The following ARHGAP15 variants were observed in gnomAD, a reference collection of about 807,000 sequenced individuals.
ARHGAP15 encodes Rho GTPase activating protein 15, also known as rho GTPase-activating protein 15.
ARHGAP15 carries 51 observed loss-of-function variants against 63.7 expected under a neutral mutation model. The observed-to-expected ratio is 0.80, with a 90% CI of 0.64 to 1.01. The LOEUF (loss-of-function observed/expected upper bound fraction) is 1.01. Among genes scored for constraint, ARHGAP15 ranks in the 50% least tolerant of loss-of-function variants. The pLI is 0.00. For missense variants in ARHGAP15, 560 were observed against 564.6 expected (o/e 0.99, Z 0.08); for synonymous variants, 191 against 193.8 (o/e 0.99, Z 0.12).
chr2:143,223,047 G>T (rs1354595521), intron 4 of ARHGAP15, among the ~76,000 whole-genome samples: 10 of 152,134 alleles, frequency 6.6e-5, no homozygotes, highest in African/African-American at 2.4e-4. Flanking sequence ...CGCGAACTTG[G>T]CTCACTGCAG....
At chr2:143,357,579 A>T (rs1685863354) in intron 6 of ARHGAP15, among the ~76,000 whole-genome samples, 1 of 152,208 alleles carries the variant, frequency 6.6e-6, no homozygotes, top group Non-Finnish European at 1.5e-5. Context: ...AATTTATTTG[A>T]CAGGTTTGAA....
chr2:143,651,443 C>T (rs1382557901), intron 12 of ARHGAP15, among the ~76,000 whole-genome samples: 3 of 151,900 alleles, frequency 2.0e-5, no homozygotes, highest in Non-Finnish European at 2.9e-5. Context: ...TGTATGGATA[C>T]AACAAAATTT....
chr2:143,356,255 G>A (rs1685807045), intron 6 of ARHGAP15, among the ~76,000 whole-genome samples: 1 of 152,180 alleles, frequency 6.6e-6, no homozygotes, highest in Admixed American at 6.6e-5. Flanking sequence ...GTTGCTTGGA[G>A]AGAAGTTAGC....
intron 13 of ARHGAP15, among the ~76,000 whole-genome samples, chr2:143,720,897 A>G (rs570758161): frequency 1.1e-4 from 16 of 151,884 alleles, no homozygotes; most frequent in East Asian, 7.8e-4. Context: ...GTGAAACCCC[A>G]TCTCTACTAA....
At chr2:143,457,697 C>T (rs1690729389) in intron 8 of ARHGAP15, among the ~76,000 whole-genome samples, 1 of 151,190 alleles carries the variant, frequency 6.6e-6, no homozygotes, top group African/African-American at 2.4e-5. Flanking sequence ...ATTATACATG[C>T]AAAAATTATT....
At chr2:143,330,139 C>CAAAAAAAAAAA (rs1553465099) in intron 6 of ARHGAP15, among the ~76,000 whole-genome samples, 1 of 55,508 alleles carries the variant, frequency 1.8e-5, no homozygotes, top group Non-Finnish European at 3.6e-5. Flanking sequence ...AAACCAAAAA[C>CAAAAAAAAAAA]AAAAAACTAA....
chr2:143,412,162 G>A (rs769855590), intron 6 of ARHGAP15, among the ~76,000 whole-genome samples: 1 of 152,170 alleles, frequency 6.6e-6, no homozygotes, highest in Non-Finnish European at 1.5e-5. Context: ...ATGAAATTGA[G>A]TGTAAAGGGT....
intron 8 of ARHGAP15, among the ~76,000 whole-genome samples, chr2:143,457,526 TG>T (rs748352517): frequency 5.3e-5 from 8 of 151,318 alleles, no homozygotes; most frequent in South Asian, 2.1e-4. Flanking sequence ...AACCCTGTGT[TG>T]TTTTTTTTTA....
chr2:143,241,502 G>A (rs1693860627), intron 5 of ARHGAP15, among the ~76,000 whole-genome samples: 1 of 152,190 alleles, frequency 6.6e-6, no homozygotes, highest in African/African-American at 2.4e-5. Flanking sequence ...AGGAGTAGTG[G>A]CAGATGAGGG....
intron 12 of ARHGAP15, among the ~76,000 whole-genome samples, chr2:143,691,773 A>G (rs1235741287): frequency 2.0e-5 from 3 of 152,232 alleles, no homozygotes; most frequent in Admixed American, 2.0e-4. Flanking sequence ...AATATAATGG[A>G]ATGGTCATTT....
intron 13 of ARHGAP15, among the ~76,000 whole-genome samples, chr2:143,720,424 G>A (rs994316641): frequency 6.6e-6 from 1 of 152,124 alleles, no homozygotes; most frequent in Non-Finnish European, 1.5e-5. Flanking sequence ...CCGCTATCCT[G>A]CAGCCCAGCG....
intron 11 of ARHGAP15, among the ~76,000 whole-genome samples, chr2:143,579,437 C>T (rs140926926): frequency 1.4e-4 from 21 of 152,224 alleles, no homozygotes; most frequent in African/African-American, 5.1e-4. Flanking sequence ...CCTTGCAAAA[C>T]GTCATTTAGT....
At chr2:143,135,573 C>T (rs1573992396) in intron 1 of ARHGAP15, among the ~76,000 whole-genome samples, 1 of 152,112 alleles carries the variant, frequency 6.6e-6, no homozygotes, top group Admixed American at 6.5e-5. Context: ...TAGAATATAC[C>T]ATTGACAGAA....
intron 6 of ARHGAP15, among the ~76,000 whole-genome samples, chr2:143,393,403 C>T (rs756585597): frequency 1.5e-4 from 23 of 152,024 alleles, no homozygotes; most frequent in South Asian, 2.1e-4. Flanking sequence ...AGATAATTTA[C>T]AAGAAATCTT....
chr2:143,240,382 T>C (rs1693820541), intron 5 of ARHGAP15, among the ~76,000 whole-genome samples: 1 of 152,004 alleles, frequency 6.6e-6, no homozygotes. Context: ...AAGATGAAAA[T>C]AGTTTCAATC....
intron 8 of ARHGAP15, among the ~76,000 whole-genome samples, chr2:143,438,118 C>T (rs1689695232): frequency 6.6e-6 from 1 of 152,130 alleles, no homozygotes; most frequent in Admixed American, 6.5e-5. Context: ...ACCTGGCTGA[C>T]CCCAATCTTG....
At chr2:143,507,416 C>G (rs973749319) in intron 9 of ARHGAP15, among the ~76,000 whole-genome samples, 2 of 152,100 alleles carry the variant, frequency 1.3e-5, no homozygotes, top group Non-Finnish European at 2.9e-5. Flanking sequence ...TTATTACTTC[C>G]TATTGAAACT....
chr2:143,750,030 C>A (rs1686311670), intron 13 of ARHGAP15, among the ~76,000 whole-genome samples: 1 of 152,214 alleles, frequency 6.6e-6, no homozygotes, highest in African/African-American at 2.4e-5. Flanking sequence ...AATCTCTGTG[C>A]AATTCCTTTC....
chr2:143,147,292 A>T (rs543754316), intron 1 of ARHGAP15, among the ~76,000 whole-genome samples: 1 of 152,142 alleles, frequency 6.6e-6, no homozygotes, highest in South Asian at 2.1e-4. Flanking sequence ...TTTTCTCTTT[A>T]AGTGACATTT....
Sources: gnomAD v4.1 joint callset for allele counts (sites outside exome capture counted in the v4.1 genomes callset) on GRCh38, gnomAD v4.1.1 for gene constraint, MANE v1.5 for transcripts, NCBI Gene and HGNC (gene_info 2026-07-23, HGNC 2026-07-21) for gene names.